ACYP2: variants seen among roughly 807,000 people sequenced by gnomAD.
The protein encoded by ACYP2 is acylphosphatase-2.
ACYP2 carries 12 observed loss-of-function variants against 11.2 expected under a neutral mutation model. That is an observed-to-expected ratio of 1.08 (90% CI 0.69 to 1.74). The LOEUF (loss-of-function observed/expected upper bound fraction) is 1.74. Among genes scored for constraint, ACYP2 ranks in the 40% most tolerant of loss-of-function variants. ACYP2 has a pLI of 0.00. For synonymous variants in ACYP2, 43 were observed against 32.2 expected (o/e 1.33, Z -1.13); for missense variants, 134 against 101.9 (o/e 1.31, Z -1.35).
In ACYP2 at chr2:54,132,744, A is replaced by AT. The variant is rs35059715; in HGVS notation, c.278-2691dup. ...ACCTTTTATAGTGTACAATTGAATGATTTTTTTTTTTTTTTTTTGAGACTG... is the reference window on the plus strand; with the variant it reads ...ACCTTTTATAGTGTACAATTGAATGATTTTTTTTTTTTTTTTTTTGAGACTG... On this transcript the variant is annotated intron_variant, in intron 4 of 6. Coordinates refer to ENST00000607452, the MANE Select transcript of ACYP2 (RefSeq NM_001320586.2). Among the ~76,000 whole-genome samples the AT allele has an allele frequency of 7.0e-3, 958 of 136,314 alleles. 7 individuals are homozygous for AT. Among genetic ancestry groups the AT allele is most frequent in the South Asian group, 0.018 (77 of 4,190 alleles). The allele number at this position is 136,314 out of a possible 152,430, so 89.4% of individuals were successfully genotyped here.
At chr2:54,269,775 C>T in intron 6 of ACYP2, among the ~76,000 whole-genome samples, 1 of 152,166 alleles carries the variant, frequency 6.6e-6, no homozygotes, top group Non-Finnish European at 1.5e-5. Context: ...CCTTGTTCCA[C>T]CTCAATTTTA....
At chr2:54,140,778 GT>G (rs917380028) in intron 6 of ACYP2, among the ~76,000 whole-genome samples, 1 of 151,682 alleles carries the variant, frequency 6.6e-6, no homozygotes, top group African/African-American at 2.4e-5. Context: ...TTTCTGTCTT[GT>G]TTTTTGCAAT....
At chr2:54,243,345 G>A (rs761872480) in intron 6 of ACYP2, among the ~76,000 whole-genome samples, 5 of 152,212 alleles carry the variant, frequency 3.3e-5, no homozygotes, top group South Asian at 4.1e-4. Context: ...TATATGGCAC[G>A]TTATTGTACT....
At chr2:54,255,913 C>T in intron 6 of ACYP2, 5 of 1,614,142 alleles carry the variant, frequency 3.1e-6, no homozygotes, top group Non-Finnish European at 4.2e-6. Context: ...GGCTCCATGA[C>T]TGCGACCCGC....
chr2:54,007,499 C>A (rs1486216173), intron 2 of ACYP2, among the ~76,000 whole-genome samples: 2 of 152,140 alleles, frequency 1.3e-5, no homozygotes, highest in Admixed American at 1.3e-4. Flanking sequence ...GTGATCCACC[C>A]ACCTTGGCCT....
intron 2 of ACYP2, among the ~76,000 whole-genome samples, chr2:53,974,036 A>G (rs1440611013): frequency 6.7e-6 from 1 of 150,088 alleles, no homozygotes; most frequent in African/African-American, 2.5e-5. Context: ...CGCCTCGAGT[A>G]GCTGGGACCA....
intron 6 of ACYP2, among the ~76,000 whole-genome samples, chr2:54,199,369 T>A (rs1292248969): frequency 6.6e-6 from 1 of 152,156 alleles, no homozygotes; most frequent in East Asian, 1.9e-4. Context: ...TCCCATCAGA[T>A]TTCACTTGCC....
intron 6 of ACYP2, among the ~76,000 whole-genome samples, chr2:54,196,400 C>G (rs560851848): frequency 6.6e-6 from 1 of 152,078 alleles, no homozygotes; most frequent in Non-Finnish European, 1.5e-5. Flanking sequence ...AAGATTTGTC[C>G]TTTTTCCCAA....
At chr2:54,073,020 G>A (rs1279969777) in intron 4 of ACYP2, among the ~76,000 whole-genome samples, 1 of 152,144 alleles carries the variant, frequency 6.6e-6, no homozygotes, top group Admixed American at 6.5e-5. Flanking sequence ...AGTGAGTGTG[G>A]TACTGACAAA....
chr2:54,207,713 G>A (rs1187886356), intron 6 of ACYP2, among the ~76,000 whole-genome samples: 1 of 152,138 alleles, frequency 6.6e-6, no homozygotes. Flanking sequence ...GAATTATACT[G>A]TAGCACTCCA....
chr2:54,034,090 A>G (rs1674741884), intron 2 of ACYP2, among the ~76,000 whole-genome samples: 1 of 152,210 alleles, frequency 6.6e-6, no homozygotes, highest in African/African-American at 2.4e-5. Context: ...AAAGCCCAAA[A>G]TAAAAGAAAA....
At chr2:54,034,507 G>A (rs989030130) in intron 2 of ACYP2, among the ~76,000 whole-genome samples, 1 of 152,192 alleles carries the variant, frequency 6.6e-6, no homozygotes, top group Non-Finnish European at 1.5e-5. Context: ...TAACCTAGGA[G>A]TGATAGTCTA....
intron 4 of ACYP2, among the ~76,000 whole-genome samples, chr2:54,095,359 C>G (rs1678468712): frequency 6.6e-6 from 1 of 152,278 alleles, no homozygotes; most frequent in Admixed American, 6.5e-5. Flanking sequence ...TTCCACCAAA[C>G]CGCCATTGTC....
At chr2:54,246,694 C>T (rs1228260874) in intron 6 of ACYP2, among the ~76,000 whole-genome samples, 3 of 151,942 alleles carry the variant, frequency 2.0e-5, no homozygotes, top group Non-Finnish European at 4.4e-5. Context: ...TAGTTTCTTT[C>T]TCTTAGTAAT....
intron 2 of ACYP2, among the ~76,000 whole-genome samples, chr2:54,047,769 G>A (rs1228715127): frequency 2.6e-5 from 4 of 152,206 alleles, no homozygotes; most frequent in Non-Finnish European, 5.9e-5. Context: ...TAAAGTGTGA[G>A]ATGGATTTTT....
At chr2:54,244,964 T>C (rs1686885771) in intron 6 of ACYP2, among the ~76,000 whole-genome samples, 1 of 152,186 alleles carries the variant, frequency 6.6e-6, no homozygotes, top group Non-Finnish European at 1.5e-5. Flanking sequence ...TATAGTGCTA[T>C]AAAACAGAAC....
chr2:53,977,544 C>A (rs757195897), intron 2 of ACYP2, among the ~76,000 whole-genome samples: 47 of 151,608 alleles, frequency 3.1e-4, no homozygotes, highest in Non-Finnish European at 5.4e-4. Flanking sequence ...ACCAGCCTGA[C>A]CAACATGGTG....
chr2:54,287,152 T>A (rs933861247), intron 6 of ACYP2, among the ~76,000 whole-genome samples: 6 of 151,976 alleles, frequency 3.9e-5, no homozygotes, highest in African/African-American at 1.5e-4. Flanking sequence ...AAGATCAAAG[T>A]GCTGGCAAGT....
Position 54,304,792 on chromosome 2 carries a change from T to C in ACYP2, c.509T>C (p.Ile170Thr). 1.3e-6 allele frequency: 2 copies of C among 1,587,270 alleles called. No individual in the cohort carries two copies. Among genetic ancestry groups the C allele is most frequent in the Non-Finnish European group, 1.7e-6 (2 of 1,158,516 alleles). Reference sequence around the variant, plus strand: ...AAGCTTGAATACTCTAATTTTAGTATTAGATACTAATAGAAGAGAAAAATT... The same window carrying C: ...AAGCTTGAATACTCTAATTTTAGTACTAGATACTAATAGAAGAGAAAAATT... The change falls in exon 7 of 7, where the codon ATT becomes ACT. Residue 170 changes from isoleucine to threonine, a missense_variant. By Grantham distance (89) the Ile-to-Thr change is moderately conservative. Coordinates refer to ENST00000607452, the MANE Select transcript of ACYP2 (RefSeq NM_001320586.2).
Sources: gnomAD v4.1 joint callset for allele counts (sites outside exome capture counted in the v4.1 genomes callset) on GRCh38, gnomAD v4.1.1 for gene constraint, MANE v1.5 for transcripts, NCBI Gene and HGNC (gene_info 2026-07-23, HGNC 2026-07-21) for gene names.